MORC3: variants seen among roughly 807,000 people sequenced by gnomAD.
MORC3 encodes the protein MORC family CW-type zinc finger 3, also known as MORC family CW-type zinc finger protein 3.
In MORC3, 31 loss-of-function variants were observed where a neutral mutation model predicts 109.1. The ratio of observed to expected loss-of-function variants is 0.28; its 90% CI spans 0.21 to 0.38. The LOEUF is 0.38. Among genes scored for constraint, MORC3 ranks in the 10% least tolerant of loss-of-function variants. The pLI is 1.00. For missense variants in MORC3, 867 were observed against 1,135.8 expected, an observed-to-expected ratio of 0.76 and a Z score of 3.40; for synonymous variants, 395 against 380.7, an observed-to-expected ratio of 1.04 and a Z score of -0.44.
chr21:36,333,518 T>C (rs377672548), intron 1 of MORC3, 128 bp from the exon 2 acceptor site: 18 of 708,022 alleles, frequency 2.5e-5, no homozygotes, highest in South Asian at 2.4e-4. Flanking sequence ...TCCAGATGTA[T>C]CCTGGAGCAA....
At chr21:36,336,792 A>G in intron 2 of MORC3, 82 bp from the exon 3 acceptor site, 2 of 1,337,884 alleles carry the variant, frequency 1.5e-6, no homozygotes, top group East Asian at 2.6e-5. Flanking sequence ...ATAGTCTTCT[A>G]TTGCTTCTTA....
At chr21:36,366,982 G>A (rs1412372925) in intron 14 of MORC3, among the ~76,000 whole-genome samples, 5 of 152,150 alleles carry the variant, frequency 3.3e-5, no homozygotes, top group Non-Finnish European at 7.3e-5. Context: ...TACGCCACAG[G>A]TCCCTAGAAA....
chr21:36,338,332 T>G (rs1166228295), intron 4 of MORC3, among the ~76,000 whole-genome samples: 1 of 152,216 alleles, frequency 6.6e-6, no homozygotes, highest in African/African-American at 2.4e-5. Context: ...TAGTTAGGAA[T>G]AATAATCTGC....
intron 10 of MORC3, among the ~76,000 whole-genome samples, chr21:36,359,389 G>T (rs1017287726): frequency 6.6e-6 from 1 of 151,978 alleles, no homozygotes; most frequent in Non-Finnish European, 1.5e-5. Flanking sequence ...TCCAACCTCA[G>T]CCTCCTGAGT....
chr21:36,337,691 TTATAGG>T, intron 3 of MORC3, 35 bp from the exon 4 acceptor site: 1 of 1,219,440 alleles, frequency 8.2e-7, no homozygotes, highest in South Asian at 1.6e-5. Context: ...TTATTTTTGA[TTATAGG>T]TATTTATTTT....
chr21:36,362,211 C>G lies in MORC3; in HGVS notation c.1435C>G (p.Pro479Ala). 1.2e-6 allele frequency: 2 copies of G among 1,609,584 alleles called. No individual in the cohort carries two copies. The highest frequency in any genetic ancestry group is 1.7e-6 in the Non-Finnish European group (2 of 1,178,942). The change falls in exon 13 of 17, where the codon CCG becomes GCG. Residue 479 changes from proline to alanine, a missense_variant. This residue lies in a region of MORC3 where 486 missense variants were observed against 502.1 expected (regional missense o/e 0.97). Coordinates refer to ENST00000400485, the MANE Select transcript of MORC3 (RefSeq NM_015358.3). ...CAAGGAAAAATTCAGGATCAGACAA[C>G]CGGAAATGATCCCTCGGGTAATTAA... ...TNKEKFRIRQ[P>A]EMIPRINAEL... is the part of the protein sequence containing the mutation.
chr21:36,372,581 C>T (rs1416937845), intron 16 of MORC3, 50 bp downstream of exon 16: 1 of 1,503,412 alleles, frequency 6.7e-7, no homozygotes, highest in Non-Finnish European at 8.9e-7. Context: ...GGTTAGGATA[C>T]TATTTATTTT....
intron 9 of MORC3, among the ~76,000 whole-genome samples, chr21:36,353,928 G>A (rs143655524): frequency 0.025 from 3,750 of 151,172 alleles, 66 homozygotes; most frequent in Admixed American, 0.046. Context: ...AAAATTAGCC[G>A]GGCATGGTGG....
intron 1 of MORC3, among the ~76,000 whole-genome samples, chr21:36,321,360 TG>T (rs1316174393): frequency 3.3e-5 from 5 of 151,958 alleles, no homozygotes; most frequent in African/African-American, 1.2e-4. Flanking sequence ...TTTTTTGTTT[TG>T]TTTTTTTGAA....
At chr21:36,325,796 C>G (rs949049639) in intron 1 of MORC3, among the ~76,000 whole-genome samples, 5 of 152,216 alleles carry the variant, frequency 3.3e-5, no homozygotes, top group Non-Finnish European at 5.9e-5. Flanking sequence ...TGAGTAGCAC[C>G]TGGAATGTGA....
chr21:36,357,928 A>G (rs1465140539), intron 10 of MORC3, among the ~76,000 whole-genome samples: 1 of 150,836 alleles, frequency 6.6e-6, no homozygotes, highest in Non-Finnish European at 1.5e-5. Flanking sequence ...TTTAGTAGAG[A>G]CAGAGTTTCA....
At chr21:36,348,620 G>A (rs980291721) in intron 8 of MORC3, among the ~76,000 whole-genome samples, 2 of 152,148 alleles carry the variant, frequency 1.3e-5, no homozygotes, top group African/African-American at 2.4e-5. Flanking sequence ...TGTTGGCCAG[G>A]CTGTTCTTGA....
At chr21:36,365,164 G>T (rs538438304) in intron 14 of MORC3, among the ~76,000 whole-genome samples, 1 of 152,210 alleles carries the variant, frequency 6.6e-6, no homozygotes, top group South Asian at 2.1e-4. Flanking sequence ...TGGAGGAGTG[G>T]ATGGAGAAGG....
intron 15 of MORC3, among the ~76,000 whole-genome samples, chr21:36,370,631 ATATATATATTTTTTTTT>A (rs1214201664): frequency 2.1e-4 from 5 of 23,810 alleles, no homozygotes; most frequent in African/African-American, 6.5e-4. Flanking sequence ...ATATATATAT[ATATATATATTTTTTTTT>A]TTTTTTTTTT....
rs529461126 is a variant in MORC3, at chr21:36,342,175, C to T, written c.756+629C>T. ...CCTGCAGGTGGGGCAGTGCGGTTCACGGAGGTTGCAGTGAGCGGAGATTGT... is the reference window on the plus strand; with the variant it reads ...CCTGCAGGTGGGGCAGTGCGGTTCATGGAGGTTGCAGTGAGCGGAGATTGT... On this transcript the variant is annotated intron_variant, in intron 6 of 16. Transcript: ENST00000400485. Among the ~76,000 whole-genome samples the T allele has an allele frequency of 1.7e-3, 252 of 152,154 alleles. 2 individuals carry two copies. Among genetic ancestry groups the T allele is most frequent in the East Asian group, 3.1e-3 (16 of 5,146 alleles).
At chr21:36,364,866 A>G (rs184925091) in intron 14 of MORC3, among the ~76,000 whole-genome samples, 1 of 151,980 alleles carries the variant, frequency 6.6e-6, no homozygotes, top group Non-Finnish European at 1.5e-5. Flanking sequence ...AGCCTGGCCA[A>G]CATGGTGAAA....
intron 14 of MORC3, 60 bp downstream of exon 14, chr21:36,364,319 C>G (rs1203433942): frequency 6.6e-7 from 1 of 1,524,206 alleles, no homozygotes; most frequent in East Asian, 2.3e-5. Context: ...TTACTTGACA[C>G]TTCTGTGACA....
chr21:36,362,011 A>T, intron 12 of MORC3, 172 bp from the exon 13 acceptor site: 1 of 730,178 alleles, frequency 1.4e-6, no homozygotes, highest in South Asian at 1.7e-5. Flanking sequence ...TCAGGCTAAA[A>T]TTAGGGTGCT....
Position 36,337,725 on chromosome 21 carries a change from T to C in MORC3, c.246-7T>C. On this transcript the variant is annotated splice_region_variant and splice_polypyrimidine_tract_variant and intron_variant, in intron 3 of 16. Transcript: ENST00000400485. ...TTTATTTTTAAAAATCTTTATTTTC[T>C]TCTTAGCTTTGGCTTCAGTGACAAA... 6.3e-7 allele frequency: 1 copy of C among 1,576,976 alleles called. No homozygotes were observed. Among genetic ancestry groups the C allele is most frequent in the Non-Finnish European group, 8.6e-7 (1 of 1,162,078 alleles).
Sources: gnomAD v4.1 joint callset for allele counts (sites outside exome capture counted in the v4.1 genomes callset) on GRCh38, gnomAD v4.1.1 for gene constraint, gnomAD v4.1.1 regional missense constraint, MANE v1.5 for transcripts, NCBI Gene and HGNC (gene_info 2026-07-23, HGNC 2026-07-21) for gene names.